LRRC37B: variants seen among roughly 807,000 people sequenced by gnomAD.
LRRC37B encodes the protein leucine-rich repeat-containing protein 37B.
A neutral mutation model predicts 98.3 loss-of-function variants in LRRC37B; 28 were observed. The observed-to-expected ratio is 0.28, with a 90% confidence interval of 0.21 to 0.39. LRRC37B has a LOEUF of 0.39. Ranked by LOEUF, LRRC37B falls within the 10% of genes least tolerant of loss-of-function variation. The probability of loss-of-function intolerance (pLI) is 1.00; values close to 1 mark genes in which losing one functional copy is unlikely to be tolerated. For synonymous variants in LRRC37B, 364 were observed against 442.7 expected (o/e 0.82, Z 2.23); for missense variants, 938 against 1,182.7 (o/e 0.79, Z 3.03).
intron 1 of LRRC37B, among the ~76,000 whole-genome samples, chr17:32,011,088 C>T (rs1180525074): frequency 6.6e-6 from 1 of 152,016 alleles, no homozygotes; most frequent in African/African-American, 2.4e-5. Context: ...CCTCCACCTC[C>T]TGGGTTCAAG....
intron 9 of LRRC37B, 165 bp downstream of exon 12, chr17:32,048,066 A>C: frequency 7.9e-7 from 1 of 1,269,796 alleles, no homozygotes; most frequent in Non-Finnish European, 1.1e-6. Context: ...GAGTATTTTG[A>C]AAAACAATAG....
chr17:32,048,016 A>C (rs1911640705), intron 9 of LRRC37B, 115 bp downstream of exon 12: 1 of 1,569,448 alleles, frequency 6.4e-7, no homozygotes, highest in African/African-American at 1.4e-5. Context: ...CCGTTCACTG[A>C]ACAGCTATTT....
rs879747437 is a variant in LRRC37B, at chr17:32,013,708, A to ATGTGTG, written c.-190-4263_-190-4262insGTGTGT. Among the ~76,000 whole-genome samples the ATGTGTG allele has an allele frequency of 3.0e-3, 397 of 130,384 alleles. 2 individuals carry two copies. The highest frequency in any genetic ancestry group is 1.0e-2 in the African/African-American group (342 of 34,370). 85.5% of individuals were successfully genotyped at this position (130,384 alleles called of 152,430 possible). A position where few individuals can be genotyped will look rare whatever the true frequency, so the allele number is the denominator to read the frequency against. On this transcript the variant is annotated intron_variant, in intron 1 of 14. Coordinates refer to the LRRC37B transcript ENST00000543378. ...TCTAGTCCCCCTCCCTTATAATTGT[A>ATGTGTG]TATGTGTGTGTGTGTGTGTGTGTGT...
At chr17:32,040,225 C>G (rs1301789982) in intron 7 of LRRC37B, 1 of 204,966 alleles carries the variant, frequency 4.9e-6, no homozygotes, top group Non-Finnish European at 1.0e-5. Context: ...AGGTCACTTA[C>G]AGTCTCAAAG....
chr17:32,024,734 C>T, exon 2 of LRRC37B: 1 of 1,607,366 alleles, frequency 6.2e-7, no homozygotes. Context: ...AACTATATTT[C>T]ATACCTTGAT....
chr17:32,022,423 C>T, exon 1 of LRRC37B: 1 of 1,612,798 alleles, frequency 6.2e-7, no homozygotes, highest in South Asian at 1.1e-5. Flanking sequence ...CTTAGCATAA[C>T]TACAGAGCCT....
upstream of LRRC37B, among the ~76,000 whole-genome samples, chr17:32,017,642 A>G (rs1184834398): frequency 6.6e-6 from 1 of 152,098 alleles, no homozygotes; most frequent in Non-Finnish European, 1.5e-5. Context: ...ATGTCTCTAA[A>G]AAAGAGAATT....
intron 7 of LRRC37B, chr17:32,041,410 G>A (rs1366229192): frequency 4.0e-6 from 3 of 745,704 alleles, no homozygotes; most frequent in South Asian, 1.3e-5. Context: ...TTCCATGAGG[G>A]TGACGTCTTC....
chr17:32,023,931 G>C (rs906942515), intron 1 of LRRC37B, among the ~76,000 whole-genome samples: 3 of 152,072 alleles, frequency 2.0e-5, no homozygotes, highest in African/African-American at 7.2e-5. Flanking sequence ...AGAATCTGTG[G>C]TCCTTGAGGT....
chr17:32,022,281 C>A, exon 1 of LRRC37B: 1 of 1,613,978 alleles, frequency 6.2e-7, no homozygotes, highest in Non-Finnish European at 8.5e-7. Context: ...GGAGGCGGAA[C>A]CTTCTTCTAC....
rs149434420 is a variant in LRRC37B, at chr17:32,008,604, G to A, written c.-191+472G>A. On this transcript the variant is annotated intron_variant, in intron 1 of 14. Coordinates refer to the LRRC37B transcript ENST00000543378. ...TTCCTTAAAAGGGAATTAAGGATTT[G>A]TACAGATTGTGGCACACAGACACAC... Among the ~76,000 whole-genome samples, 512 of 152,266 alleles carry A rather than the reference G, an allele frequency of 3.4e-3. 4 individuals are homozygous for A. Among genetic ancestry groups the A allele is most frequent in the African/African-American group, 0.012 (480 of 41,562 alleles).
At chr17:32,025,343 C>T (rs1910924875) in intron 2 of LRRC37B, among the ~76,000 whole-genome samples, 1 of 151,940 alleles carries the variant, frequency 6.6e-6, no homozygotes, top group Non-Finnish European at 1.5e-5. Context: ...GCCCATGATT[C>T]TATTTTTAAT....
At chr17:32,022,287 TCTA>T (rs758338748) in exon 1 of LRRC37B, 8 of 1,613,808 alleles carry the variant, frequency 5.0e-6, no homozygotes. Flanking sequence ...GGAACCTTCT[TCTA>T]CAGCCCTGAG....
intron 1 of LRRC37B, among the ~76,000 whole-genome samples, chr17:32,011,774 G>T (rs1910531473): frequency 6.6e-6 from 1 of 152,206 alleles, no homozygotes; most frequent in Non-Finnish European, 1.5e-5. Context: ...TGGGATTACA[G>T]GCATGAGCCA....
At chr17:32,043,348 C>T (rs888382249) in intron 7 of LRRC37B, among the ~76,000 whole-genome samples, 8 of 152,088 alleles carry the variant, frequency 5.3e-5, no homozygotes, top group Admixed American at 5.2e-4. Context: ...GTTGCTTGAG[C>T]TCAGGAGTTT....
chr17:32,023,560 G>A (rs1032510482), intron 1 of LRRC37B, among the ~76,000 whole-genome samples: 16 of 152,302 alleles, frequency 1.1e-4, no homozygotes, highest in Non-Finnish European at 2.4e-4. Context: ...TCCAGAGCAA[G>A]TTATTCTGCT....
At position 32,023,120 on chromosome 17, in the gene LRRC37B, C is replaced by CTTT. The variant is rs1224317741; in HGVS notation, c.1760+311_1760+313dup. On this transcript the variant is annotated intron_variant, in intron 1 of 11. Coordinates refer to ENST00000327564, the Ensembl canonical transcript of LRRC37B. Reference sequence around the variant, plus strand: ...TCTGCTCCTATTTTCGCTTCACCCTCTTTTTTTTTTTTTTTTTTGAGACAG... The same window carrying CTTT: ...TCTGCTCCTATTTTCGCTTCACCCTCTTTTTTTTTTTTTTTTTTTTTGAGACAG... Among the ~76,000 whole-genome samples, 550 of 133,078 alleles carry CTTT rather than the reference C, an allele frequency of 4.1e-3. 9 individuals are homozygous for CTTT. Among genetic ancestry groups the CTTT allele is most frequent in the African/African-American group, 0.014 (512 of 36,740 alleles). The allele number at this position is 133,078 out of a possible 152,430, so 87.3% of individuals were successfully genotyped here.
intron 8 of LRRC37B, 176 bp from the exon 12 acceptor site, chr17:32,047,585 C>T (rs1911623134): frequency 1.2e-6 from 1 of 856,082 alleles, no homozygotes. Context: ...GTCTTTTCCT[C>T]CTTTCGTTGT....
chr17:32,012,243 TACA>T (rs1910540185), intron 1 of LRRC37B, among the ~76,000 whole-genome samples: 1 of 152,230 alleles, frequency 6.6e-6, no homozygotes, highest in South Asian at 2.1e-4. Context: ...TGTTGAAGTC[TACA>T]ACGATTGTTA....
Sources: gnomAD v4.1 joint callset for allele counts (sites outside exome capture counted in the v4.1 genomes callset) on GRCh38, gnomAD v4.1.1 for gene constraint, MANE v1.5 for transcripts, NCBI Gene and HGNC (gene_info 2026-07-23, HGNC 2026-07-21) for gene names.